Variants in HPSE2 observed in about 807,000 individuals in gnomAD.
HPSE2 encodes inactive heparanase-2.
A neutral mutation model predicts 60.5 loss-of-function variants in HPSE2; 38 were observed. The observed-to-expected ratio is 0.63, with a 90% confidence interval of 0.48 to 0.82. HPSE2 has a LOEUF of 0.82. HPSE2 is among the 40% of genes least tolerant of loss of function. HPSE2 has a pLI of 0.00. For missense variants in HPSE2, 713 were observed against 740.4 expected, an observed-to-expected ratio of 0.96 and a Z score of 0.43; for synonymous variants, 295 against 293.2, an observed-to-expected ratio of 1.01 and a Z score of -0.06.
chr10:98,755,652 A>G (rs966606884), intron 3 of HPSE2, among the ~76,000 whole-genome samples: 4 of 152,324 alleles, frequency 2.6e-5, no homozygotes, highest in African/African-American at 9.6e-5. Context: ...TTAAAAAATC[A>G]TATCACCCAC....
At chr10:98,909,287 A>C (rs1953912881) in intron 3 of HPSE2, among the ~76,000 whole-genome samples, 1 of 152,000 alleles carries the variant, frequency 6.6e-6, no homozygotes. Context: ...ATTTTCCAAA[A>C]TGCCAATAAG....
intron 9 of HPSE2, among the ~76,000 whole-genome samples, chr10:98,605,522 A>G (rs1945555287): frequency 6.6e-6 from 1 of 152,238 alleles, no homozygotes; most frequent in South Asian, 2.1e-4. Flanking sequence ...ATGTTCTGCC[A>G]TTCTCGTTTC....
chr10:99,308,866 A>T, the HPSE2 span, among the ~76,000 whole-genome samples: 3 of 152,232 alleles, frequency 2.0e-5, no homozygotes, highest in African/African-American at 2.4e-5. Context: ...TTTCCAAAAT[A>T]GGCGATTCTG....
intron 2 of HPSE2, among the ~76,000 whole-genome samples, chr10:99,216,778 T>A (rs1336144483): frequency 6.6e-6 from 1 of 152,230 alleles, no homozygotes; most frequent in Non-Finnish European, 1.5e-5. Context: ...CTTAATTGAA[T>A]GAACATGTAA....
intron 3 of HPSE2, among the ~76,000 whole-genome samples, chr10:99,089,749 G>C (rs1843447660): frequency 2.0e-5 from 3 of 152,060 alleles, no homozygotes; most frequent in South Asian, 4.1e-4. Flanking sequence ...CATTGAATTT[G>C]TAGATTGCTT....
chr10:99,147,365 G>GA (rs1308319706), intron 2 of HPSE2, among the ~76,000 whole-genome samples: 3 of 152,126 alleles, frequency 2.0e-5, no homozygotes, highest in East Asian at 3.8e-4. Context: ...TGCTTTCTCA[G>GA]AAAAAATTAT....
the HPSE2 span, among the ~76,000 whole-genome samples, chr10:99,247,532 C>T: frequency 1.3e-5 from 2 of 152,184 alleles, no homozygotes; most frequent in African/African-American, 4.8e-5. Flanking sequence ...AGGATCAACA[C>T]CTCACATATC....
At chr10:99,006,140 G>A (rs556193402) in intron 3 of HPSE2, among the ~76,000 whole-genome samples, 2 of 152,224 alleles carry the variant, frequency 1.3e-5, no homozygotes, top group Non-Finnish European at 2.9e-5. Context: ...GCCCAAGTCT[G>A]CAGGGGTCAG....
At chr10:98,882,560 G>C (rs1011919852) in intron 3 of HPSE2, among the ~76,000 whole-genome samples, 4 of 152,006 alleles carry the variant, frequency 2.6e-5, no homozygotes, top group Non-Finnish European at 5.9e-5. Flanking sequence ...AAGATCATTA[G>C]AGTGTAAGAG....
At chr10:99,083,584 T>A (rs1843216813) in intron 3 of HPSE2, among the ~76,000 whole-genome samples, 1 of 152,190 alleles carries the variant, frequency 6.6e-6, no homozygotes, top group African/African-American at 2.4e-5. Flanking sequence ...ATATTTTACT[T>A]CCTTATTTTA....
At chr10:98,972,473 A>G (rs1955980154) in intron 3 of HPSE2, among the ~76,000 whole-genome samples, 1 of 152,136 alleles carries the variant, frequency 6.6e-6, no homozygotes. Context: ...CTTAGTTCAC[A>G]GAGATATTCA....
chr10:98,711,270 G>A (rs575201738), intron 5 of HPSE2, among the ~76,000 whole-genome samples: 68 of 152,180 alleles, frequency 4.5e-4, no homozygotes, highest in Middle Eastern at 3.4e-3. Flanking sequence ...AGAGCCTGGT[G>A]AGAAGGAGGA....
intron 10 of HPSE2, among the ~76,000 whole-genome samples, chr10:98,483,992 T>C (rs1298340994): frequency 6.6e-6 from 1 of 152,194 alleles, no homozygotes; most frequent in Admixed American, 6.5e-5. Flanking sequence ...ACCTATTTCC[T>C]CATACCCCTA....
At chr10:98,968,842 G>A (rs1049552419) in intron 3 of HPSE2, among the ~76,000 whole-genome samples, 2 of 152,066 alleles carry the variant, frequency 1.3e-5, no homozygotes, top group African/African-American at 2.4e-5. Context: ...GGGGAGTTGG[G>A]AGGAAGGGTG....
chr10:99,278,121 A>G, the HPSE2 span, among the ~76,000 whole-genome samples: 2 of 151,558 alleles, frequency 1.3e-5, no homozygotes, highest in East Asian at 3.9e-4. Flanking sequence ...CTGATATGCA[A>G]AACTGCAAAC....
intron 3 of HPSE2, among the ~76,000 whole-genome samples, chr10:98,831,419 C>A (rs1951681570): frequency 6.6e-6 from 1 of 152,122 alleles, no homozygotes; most frequent in Non-Finnish European, 1.5e-5. Flanking sequence ...CCCTTCCCCC[C>A]AATATTTATT....
chr10:98,768,283 A>C (rs1262262668), intron 3 of HPSE2, among the ~76,000 whole-genome samples: 2 of 152,122 alleles, frequency 1.3e-5, no homozygotes, highest in Non-Finnish European at 2.9e-5. Context: ...TACTAGAAGG[A>C]AAAAAAGTTC....
intron 11 of HPSE2, among the ~76,000 whole-genome samples, chr10:98,472,847 T>C (rs1017938478): frequency 1.2e-4 from 18 of 152,068 alleles, no homozygotes; most frequent in African/African-American, 4.3e-4. Context: ...AAATAGCAAA[T>C]AAAATACTAG....
chr10:98,715,726 A>G (rs539748180), intron 5 of HPSE2, among the ~76,000 whole-genome samples: 1 of 152,184 alleles, frequency 6.6e-6, no homozygotes, highest in Admixed American at 6.6e-5. Context: ...AATTCAAAAT[A>G]CTTTATTGCT....
Sources: gnomAD v4.1 joint callset for allele counts (sites outside exome capture counted in the v4.1 genomes callset) on GRCh38, gnomAD v4.1.1 for gene constraint, MANE v1.5 for transcripts, NCBI Gene and HGNC (gene_info 2026-07-23, HGNC 2026-07-21) for gene names.